The following ZNF800 variants were observed in gnomAD, a reference collection of about 807,000 sequenced individuals.
ZNF800 encodes zinc finger protein 800.
In ZNF800, 13 loss-of-function variants were observed where a neutral mutation model predicts 59.5. The observed-to-expected ratio is 0.22, with a 90% CI of 0.14 to 0.35. ZNF800 has a LOEUF of 0.35. Among genes scored for constraint, ZNF800 ranks in the 10% least tolerant of loss-of-function variants. The pLI, the probability that ZNF800 is intolerant of heterozygous loss-of-function variation, is 1.00. For missense variants in ZNF800, 621 were observed against 783.7 expected, an observed-to-expected ratio of 0.79 and a Z score of 2.48; for synonymous variants, 266 against 265.7, an observed-to-expected ratio of 1.00 and a Z score of -0.01.
intron 1 of ZNF800, among the ~76,000 whole-genome samples, chr7:127,358,478 A>G (rs1800318948): frequency 6.6e-6 from 1 of 151,982 alleles, no homozygotes; most frequent in Non-Finnish European, 1.5e-5. Context: ...CCTTGGTGCT[A>G]TTATATGTCC....
intron 3 of ZNF800, among the ~76,000 whole-genome samples, chr7:127,385,540 G>A (rs564428445): frequency 6.6e-6 from 1 of 152,206 alleles, no homozygotes; most frequent in African/African-American, 2.4e-5. Context: ...AGATATCAGG[G>A]CTGGAATATT....
In ZNF800 at chr7:127,392,642, T is replaced by G; in HGVS notation, c.-641A>C. The stretch of plus-strand genomic sequence containing the variant: ...GCCCCCTCCTCCGGAGAGCCCGAGC[T>G]ACCGCCGCGGAGCGCGTAGGAAGGG... On this transcript the variant is annotated 5_prime_UTR_variant, in exon 1 of 6. Transcript: ENST00000265827. The G allele has an allele frequency of 6.3e-6, 1 of 158,278 alleles. No homozygotes were observed. Among genetic ancestry groups the G allele is most frequent in the Non-Finnish European group, 1.4e-5 (1 of 72,172 alleles). 9.8% of individuals were successfully genotyped at this position (158,278 alleles called of 1,614,324 possible).
At chr7:127,344,683 A>G (rs1800026343), downstream of ZNF800, among the ~76,000 whole-genome samples, 1 of 152,166 alleles carries the variant, frequency 6.6e-6, no homozygotes, top group Admixed American at 6.5e-5. Flanking sequence ...AAAAAATTAA[A>G]CAAACAACAA....
At chr7:127,351,797 T>C (rs1201409571) in intron 1 of ZNF800, among the ~76,000 whole-genome samples, 1 of 152,160 alleles carries the variant, frequency 6.6e-6, no homozygotes, top group East Asian at 1.9e-4. Flanking sequence ...CTTCACACTC[T>C]ATGAGAAAGA....
chr7:127,356,774 T>C (rs1427540950), intron 1 of ZNF800, among the ~76,000 whole-genome samples: 1 of 151,990 alleles, frequency 6.6e-6, no homozygotes, highest in Non-Finnish European at 1.5e-5. Context: ...AAAATGTGTG[T>C]GTGTGTGTTT....
rs146716607 is a variant in ZNF800, at chr7:127,361,452, C to G, written n.224+11890G>C. ...TAAAAATTAGCAAGGTGTGGTGGTA[C>G]AGGCTTGTATCCCAGCTACTCAGGA... On this transcript the variant is annotated intron_variant and non_coding_transcript_variant, in intron 1 of 1. Transcript: ENST00000485577. 9.9e-5 allele frequency: 15 copies of G among 152,040 alleles called. No individual in the cohort carries two copies. In the East Asian group the frequency reaches 1.6e-3, roughly 16 times the overall value. The allele number at this position is 152,040 out of a possible 1,614,324, so 9.4% of individuals were successfully genotyped here. A position where few individuals can be genotyped will look rare whatever the true frequency, so the allele number is the denominator to read the frequency against.
chr7:127,374,216 G>A lies in ZNF800; in HGVS notation c.1120C>T (p.Leu374Phe), dbSNP rs937223607. 6.2e-7 allele frequency: 1 copy of A among 1,614,016 alleles called. No homozygotes were observed. The highest frequency in any genetic ancestry group is 1.7e-5 in the Admixed American group (1 of 59,996). The change falls in exon 5 of 6, where the codon CTT becomes TTT. Residue 374 changes from leucine to phenylalanine, a missense_variant. Physicochemically the swap from Leu to Phe is conservative, Grantham distance 22 (BLOSUM62 0). This residue lies in a region of ZNF800 where 185 missense variants were observed against 177.6 expected (regional missense o/e 1.04). Transcript: ENST00000265827. ...TGGACAATTTGCATATGTCTTTTAAGCATTATTTGTGAACTATATTTCCTC... is the reference window on the plus strand; with the variant it reads ...TGGACAATTTGCATATGTCTTTTAAACATTATTTGTGAACTATATTTCCTC... ...CKRKYSSQIM[L>F]KRHMQIVHKI... is the part of the protein sequence containing the mutation.
At chr7:127,390,138 T>C (rs1021901590) in intron 2 of ZNF800, among the ~76,000 whole-genome samples, 10 of 152,122 alleles carry the variant, frequency 6.6e-5, no homozygotes, top group African/African-American at 2.4e-4. Flanking sequence ...ATGGTTTCAT[T>C]AACTAATTCA....
exon 2 of ZNF800, chr7:127,347,464 T>C (rs1194422706): frequency 1.3e-5 from 2 of 152,148 alleles, no homozygotes; most frequent in African/African-American, 2.4e-5. Flanking sequence ...AGCTAGTCTT[T>C]GAAGAACTAA....
intron 1 of ZNF800, among the ~76,000 whole-genome samples, chr7:127,356,115 C>CA (rs1304338921): frequency 3.3e-5 from 5 of 151,100 alleles, no homozygotes; most frequent in African/African-American, 7.3e-5. Flanking sequence ...AATGTCAAAA[C>CA]AAAAAAAACC....
chr7:127,390,123 A>G (rs1445494806), intron 2 of ZNF800, among the ~76,000 whole-genome samples: 1 of 152,194 alleles, frequency 6.6e-6, no homozygotes, highest in East Asian at 1.9e-4. Context: ...TTCTTCCTAA[A>G]TAAGATGGTT....
rs753961231 is a variant in ZNF800 at position 127,374,114 on chromosome 7, C to T, written c.1222G>A (p.Val408Ile). 5.0e-6 allele frequency: 8 copies of T among 1,613,796 alleles called. No individual in the cohort carries two copies. The highest frequency in any genetic ancestry group is 6.8e-6 in the Non-Finnish European group (8 of 1,179,936). The change falls in exon 5 of 6, where the codon GTT becomes ATT. Residue 408 changes from valine to isoleucine, a missense_variant. By Grantham distance (29) the Val-to-Ile change is conservative. Transcript: ENST00000265827. ...NNTANSSEIK[V>I]KVEPADSVES... ...ACAGAATCTGCTGGTTCAACTTTAA[C>T]TTTTATTTCTGAACTGTTGGCAGTA...
chr7:127,379,852 A>ACCCCC (rs1562907479), intron 3 of ZNF800, among the ~76,000 whole-genome samples: 868 of 16,032 alleles, frequency 0.054, 84 homozygotes, highest in East Asian at 0.26. Context: ...CCACCCCCCC[A>ACCCCC]CCCCCCCCAC....
rs190776312 is a variant in ZNF800, at chr7:127,371,510, T to C, written c.*304A>G. Reference sequence around the variant, plus strand: ...TCAACAAATTGTTTAGAAAACAAAATTTGTAACATTTTTGTAGAAACTGTC... The same window carrying C: ...TCAACAAATTGTTTAGAAAACAAAACTTGTAACATTTTTGTAGAAACTGTC... On this transcript the variant is annotated 3_prime_UTR_variant, in exon 6 of 6. Coordinates refer to ENST00000265827, the MANE Select transcript of ZNF800 (RefSeq NM_176814.5). 3.4e-5 allele frequency: 9 copies of C among 263,514 alleles called. No homozygotes were observed. Among genetic ancestry groups the C allele is most frequent in the African/African-American group, 1.8e-4 (8 of 45,606 alleles). 16.3% of individuals were successfully genotyped at this position (263,514 alleles called of 1,614,324 possible).
intron 1 of ZNF800, among the ~76,000 whole-genome samples, chr7:127,358,974 A>G (rs1024568354): frequency 2.6e-5 from 4 of 152,116 alleles, no homozygotes; most frequent in Non-Finnish European, 5.9e-5. Context: ...TCTGTCCCCA[A>G]TCGTATTTTT....
Position 127,392,302 on chromosome 7 carries a change from G to C in ZNF800, c.-301C>G. 2.6e-6 allele frequency: 1 copy of C among 389,018 alleles called. No homozygotes were observed. The highest frequency in any genetic ancestry group is 4.6e-6 in the Non-Finnish European group (1 of 219,772). 24.1% of individuals were successfully genotyped at this position (389,018 alleles called of 1,614,324 possible). A position where few individuals can be genotyped will look rare whatever the true frequency, so the allele number is the denominator to read the frequency against. ...GAGACGACTGCGGCGGCGGCTCACGGCGTCCTCCGCGCTGTGTGGCTAGGC... is the reference window on the plus strand; with the variant it reads ...GAGACGACTGCGGCGGCGGCTCACGCCGTCCTCCGCGCTGTGTGGCTAGGC... On this transcript the variant is annotated 5_prime_UTR_variant, in exon 1 of 6. Transcript: ENST00000265827.
At chr7:127,356,748 T>C (rs1222056668) in intron 1 of ZNF800, among the ~76,000 whole-genome samples, 1 of 151,800 alleles carries the variant, frequency 6.6e-6, no homozygotes, top group South Asian at 2.1e-4. Context: ...TTCAAAGCAT[T>C]AAAACAAAAA....
At chr7:127,390,512 C>T (rs1328016048) in intron 2 of ZNF800, among the ~76,000 whole-genome samples, 2 of 152,180 alleles carry the variant, frequency 1.3e-5, no homozygotes, top group Non-Finnish European at 2.9e-5. Flanking sequence ...TTCCCTTCTA[C>T]TGATAACATT....
chr7:127,385,677 T>C (rs1801119277), intron 3 of ZNF800, among the ~76,000 whole-genome samples: 1 of 152,142 alleles, frequency 6.6e-6, no homozygotes, highest in South Asian at 2.1e-4. Context: ...ATCTCAGACA[T>C]TCTGAGTAAT....
Sources: gnomAD v4.1 joint callset for allele counts (sites outside exome capture counted in the v4.1 genomes callset) on GRCh38, gnomAD v4.1.1 for gene constraint, gnomAD v4.1.1 regional missense constraint, MANE v1.5 for transcripts, NCBI Gene and HGNC (gene_info 2026-07-23, HGNC 2026-07-21) for gene names.